Variants in TAS2R1 observed in about 807,000 individuals in gnomAD.
TAS2R1 encodes taste 2 receptor member 1.
For missense variants in TAS2R1, 370 were observed against 353.4 expected (o/e 1.05, Z -0.38); for synonymous variants, 141 against 134.2 (o/e 1.05, Z -0.35).
the TAS2R1 span, among the ~76,000 whole-genome samples, chr5:9,791,267 C>T: frequency 6.6e-6 from 1 of 152,194 alleles, no homozygotes; most frequent in African/African-American, 2.4e-5. Context: ...CCCTTGCAGC[C>T]TTGGCCCCAG....
At chr5:9,677,722 T>C (rs1207181980) in intron 1 of TAS2R1, among the ~76,000 whole-genome samples, 1 of 152,148 alleles carries the variant, frequency 6.6e-6, no homozygotes, top group Non-Finnish European at 1.5e-5. Context: ...TGATAGCTAG[T>C]AGGAATAGAA....
the TAS2R1 span, among the ~76,000 whole-genome samples, chr5:9,887,698 C>T: frequency 3.3e-5 from 5 of 152,246 alleles, no homozygotes; most frequent in Admixed American, 6.5e-5. Context: ...AGGACAAAGG[C>T]GAACAAAGCA....
At chr5:9,851,275 C>A in the TAS2R1 span, among the ~76,000 whole-genome samples, 1 of 152,200 alleles carries the variant, frequency 6.6e-6, no homozygotes, top group South Asian at 2.1e-4. Context: ...TTTATTGACT[C>A]AGGTTGTCTT....
chr5:9,637,821 T>C (rs1284722221), intron 2 of TAS2R1, among the ~76,000 whole-genome samples: 1 of 152,198 alleles, frequency 6.6e-6, no homozygotes, highest in East Asian at 1.9e-4. Context: ...TAATTTTTCA[T>C]CCATATCCTA....
chr5:9,761,095 T>C, the TAS2R1 span: 12 of 152,144 alleles, frequency 7.9e-5, no homozygotes, highest in African/African-American at 2.9e-4. Context: ...AACAAGGTCA[T>C]AGGATATAAG....
At chr5:9,638,663 T>A (rs1740014369) in intron 2 of TAS2R1, among the ~76,000 whole-genome samples, 1 of 152,100 alleles carries the variant, frequency 6.6e-6, no homozygotes. Context: ...TCTCATGTGA[T>A]GTGTGGGGCC....
chr5:9,864,051 T>C, the TAS2R1 span, among the ~76,000 whole-genome samples: 1 of 152,224 alleles, frequency 6.6e-6, no homozygotes, highest in African/African-American at 2.4e-5. Context: ...GCTATGCCCA[T>C]AACTGAATAC....
the TAS2R1 span, among the ~76,000 whole-genome samples, chr5:9,884,399 A>G: frequency 3.3e-5 from 5 of 150,098 alleles, no homozygotes; most frequent in Admixed American, 2.7e-4. Flanking sequence ...GCATGAACCC[A>G]GGAGGCAGAG....
At chr5:9,796,721 G>GAAAAAAAAAAAAAAAAAA in the TAS2R1 span, among the ~76,000 whole-genome samples, 1 of 99,762 alleles carries the variant, frequency 1.0e-5, no homozygotes, top group Non-Finnish European at 2.3e-5. Context: ...CTATTTTCTG[G>GAAAAAAAAAAAAAAAAAA]AAAAAAAAAA....
chr5:9,669,303 G>A (rs1579775846), intron 1 of TAS2R1, among the ~76,000 whole-genome samples: 2 of 152,044 alleles, frequency 1.3e-5, no homozygotes, highest in Non-Finnish European at 1.5e-5. Flanking sequence ...ATAACCATAC[G>A]ATAATAGTGG....
chr5:9,761,398 T>C, the TAS2R1 span, among the ~76,000 whole-genome samples: 1 of 151,370 alleles, frequency 6.6e-6, no homozygotes, highest in Non-Finnish European at 1.5e-5. Context: ...TCTTGATGGT[T>C]ATACTTCAAG....
At chr5:9,809,705 C>T in the TAS2R1 span, among the ~76,000 whole-genome samples, 1 of 152,090 alleles carries the variant, frequency 6.6e-6, no homozygotes, top group Non-Finnish European at 1.5e-5. Context: ...AGCTTAAAAT[C>T]CTTGATCCAG....
intron 1 of TAS2R1, among the ~76,000 whole-genome samples, chr5:9,662,456 C>A (rs1223397024): frequency 1.3e-5 from 2 of 152,132 alleles, no homozygotes; most frequent in African/African-American, 4.8e-5. Flanking sequence ...AAGTGGCCTG[C>A]AGGAAATGAA....
At chr5:9,862,935 C>G in the TAS2R1 span, 1 of 152,296 alleles carries the variant, frequency 6.6e-6, no homozygotes, top group East Asian at 1.9e-4. Flanking sequence ...TTTAAAACCA[C>G]ATCATCTTTT....
the TAS2R1 span, among the ~76,000 whole-genome samples, chr5:9,785,940 A>G: frequency 6.6e-6 from 1 of 152,228 alleles, no homozygotes; most frequent in African/African-American, 2.4e-5. Context: ...TTATATGACC[A>G]CTGAAAATAT....
chr5:9,705,491 T>G (rs1474905413), intron 1 of TAS2R1, among the ~76,000 whole-genome samples: 1 of 152,180 alleles, frequency 6.6e-6, no homozygotes, highest in Non-Finnish European at 1.5e-5. Flanking sequence ...GCCAATTTAG[T>G]CCTGAACCCA....
intron 1 of TAS2R1, among the ~76,000 whole-genome samples, chr5:9,662,277 A>C (rs1740552565): frequency 6.6e-6 from 1 of 152,118 alleles, no homozygotes; most frequent in South Asian, 2.1e-4. Context: ...ATAATCCATC[A>C]TTACCCCCAA....
At chr5:9,806,479 C>T in the TAS2R1 span, among the ~76,000 whole-genome samples, 4 of 152,160 alleles carry the variant, frequency 2.6e-5, no homozygotes, top group Non-Finnish European at 4.4e-5. Flanking sequence ...GGAGGCATCA[C>T]ATTGCCTGAC....
intron 1 of TAS2R1, among the ~76,000 whole-genome samples, chr5:9,692,512 T>A (rs980794131): frequency 1.3e-5 from 2 of 152,222 alleles, no homozygotes; most frequent in African/African-American, 4.8e-5. Context: ...TCAGAAAATT[T>A]ATTTCCCTGT....
Sources: gnomAD v4.1 joint callset for allele counts (sites outside exome capture counted in the v4.1 genomes callset) on GRCh38, gnomAD v4.1.1 for gene constraint, MANE v1.5 for transcripts, NCBI Gene and HGNC (gene_info 2026-07-23, HGNC 2026-07-21) for gene names.